The following DCAF17 variants were observed in gnomAD, a reference collection of about 807,000 sequenced individuals.
DCAF17 encodes the protein DDB1 and CUL4 associated factor 17, also known as DDB1- and CUL4-associated factor 17.
Under a neutral mutation model 66.0 loss-of-function variants are expected in DCAF17, and 48 were observed. The observed-to-expected ratio is 0.73, with a 90% CI of 0.58 to 0.92. The LOEUF is 0.92. Ranked by LOEUF, DCAF17 falls within the 40% of genes least tolerant of loss-of-function variation. DCAF17 has a pLI of 0.00. For missense variants in DCAF17, 562 were observed against 622.8 expected, an observed-to-expected ratio of 0.90 and a Z score of 1.04; for synonymous variants, 206 against 214.6, an observed-to-expected ratio of 0.96 and a Z score of 0.35.
intron 6 of DCAF17, among the ~76,000 whole-genome samples, chr2:171,457,535 CTAAT>C (rs1168672015): frequency 6.6e-6 from 1 of 152,154 alleles, no homozygotes; most frequent in African/African-American, 2.4e-5. Flanking sequence ...CTGGGCACCT[CTAAT>C]TAACTAAAAA....
At chr2:171,478,108 T>C (rs1356087901) in intron 12 of DCAF17, 38 bp downstream of exon 12, 5 of 1,523,336 alleles carry the variant, frequency 3.3e-6, no homozygotes, top group Non-Finnish European at 4.6e-6. Flanking sequence ...CAAACCAGTG[T>C]GTCCTTGCAT....
intron 5 of DCAF17, among the ~76,000 whole-genome samples, chr2:171,451,765 G>A (rs748993508): frequency 3.3e-5 from 5 of 151,994 alleles, no homozygotes; most frequent in African/African-American, 1.2e-4. Flanking sequence ...TACTAGAGAC[G>A]GGGTTTCACC....
At chr2:171,450,428 A>G (rs1425793010) in intron 5 of DCAF17, among the ~76,000 whole-genome samples, 1 of 152,036 alleles carries the variant, frequency 6.6e-6, no homozygotes, top group Non-Finnish European at 1.5e-5. Flanking sequence ...GTTGATAGGT[A>G]GATTTTTTTT....
Position 171,473,943 on chromosome 2 carries a change from T to C in DCAF17, c.1059T>C (p.Gly353=). The change falls in exon 10 of 14, where the codon GGT becomes GGC. Residue 353 remains glycine (G), a synonymous_variant. Transcript: ENST00000375255. ...TCTATTTCCATCCTGATGCTTCTGG[T>C]AGAATAATACATGTTGGTCCAAATC... ...DWIYFHPDAS[G]RIIHVGPNQV... 6.2e-7 allele frequency: 1 copy of C among 1,613,750 alleles called. No individual in the cohort carries two copies. Among genetic ancestry groups the C allele is most frequent in the East Asian group, 2.2e-5 (1 of 44,824 alleles).
intron 10 of DCAF17, among the ~76,000 whole-genome samples, chr2:171,475,226 A>G (rs911820982): frequency 7.9e-5 from 12 of 152,164 alleles, no homozygotes; most frequent in Non-Finnish European, 1.2e-4. Flanking sequence ...ACTTTTCCAC[A>G]GACCTTCCCT....
rs985991119 is a variant in DCAF17, at chr2:171,484,005, T to C, written c.*2891T>C. 4 of 453,796 alleles carry C rather than the reference T, an allele frequency of 8.8e-6. No individual in the cohort carries two copies. Among genetic ancestry groups the C allele is most frequent in the Non-Finnish European group, 1.8e-5 (4 of 226,746 alleles). The allele number at this position is 453,796 out of a possible 1,614,324, so 28.1% of individuals were successfully genotyped here. On this transcript the variant is annotated 3_prime_UTR_variant, in exon 14 of 14. Coordinates refer to ENST00000375255, the MANE Select transcript of DCAF17 (RefSeq NM_025000.4). The stretch of plus-strand genomic sequence containing the variant: ...AAAGTGCTTAATAATCGTTTTTTAC[T>C]GATGATTCAGTGTCTAAATTTTGAA...
Position 171,482,306 on chromosome 2 carries a change from G to A in DCAF17, c.*1192G>A, listed in dbSNP as rs1696776983. ...GCAGCAACAATCATTGCTGATTCAA[G>A]TTTAAGGTTAAAATATGGAATTTTT... is the stretch of plus-strand genomic sequence containing the variant. On this transcript the variant is annotated 3_prime_UTR_variant, in exon 14 of 14. Transcript: ENST00000375255. 4.4e-6 allele frequency: 2 copies of A among 453,838 alleles called. No individual in the cohort carries two copies. The highest frequency in any genetic ancestry group is 8.8e-6 in the Non-Finnish European group (2 of 226,708). 28.1% of individuals were successfully genotyped at this position (453,838 alleles called of 1,614,324 possible). A position where few individuals can be genotyped will look rare whatever the true frequency, so the allele number is the denominator to read the frequency against.
intron 6 of DCAF17, among the ~76,000 whole-genome samples, chr2:171,454,661 CT>C (rs1384845034): frequency 6.6e-6 from 1 of 151,998 alleles, no homozygotes; most frequent in Non-Finnish European, 1.5e-5. Flanking sequence ...CTTTGGGAGG[CT>C]GAGGCAGGCC....
chr2:171,472,872 GAAATT>G lies in DCAF17; in HGVS notation c.982-984_982-980del, dbSNP rs762849211. 7 of 313,834 alleles carry G rather than the reference GAAATT, an allele frequency of 2.2e-5. No homozygotes were observed. In the Middle Eastern group the frequency reaches 1.2e-3, roughly 55 times the overall value. The allele number at this position is 313,834 out of a possible 1,614,324, so 19.4% of individuals were successfully genotyped here. ...TGGCATCATTTCATTTTACATTAGA[GAAATT>G]AAATTAAATGACTTCTGTAAAGCCA... is the stretch of plus-strand genomic sequence containing the variant. On this transcript the variant is annotated intron_variant, in intron 9 of 13. Coordinates refer to ENST00000375255, the MANE Select transcript of DCAF17 (RefSeq NM_025000.4).
At chr2:171,442,313 C>G (rs1283031633) in intron 2 of DCAF17, among the ~76,000 whole-genome samples, 3 of 152,142 alleles carry the variant, frequency 2.0e-5, no homozygotes, top group African/African-American at 7.2e-5. Context: ...AATCCCAGCA[C>G]TTTGGGAGGC....
rs1696838876 is a variant in DCAF17, at chr2:171,483,762, A to G, written c.*2648A>G. On this transcript the variant is annotated 3_prime_UTR_variant, in exon 14 of 14. Coordinates refer to ENST00000375255, the MANE Select transcript of DCAF17 (RefSeq NM_025000.4). Reference sequence around the variant, plus strand: ...TTCAGAATAACCACATGAAGTATGAACTGCCATTATCTTTCCCCTTTGTAC... The same window carrying G: ...TTCAGAATAACCACATGAAGTATGAGCTGCCATTATCTTTCCCCTTTGTAC... 1.5e-5 allele frequency: 7 copies of G among 453,988 alleles called. No individual in the cohort carries two copies. Among genetic ancestry groups the G allele is most frequent in the Admixed American group, 1.2e-4 (5 of 42,544 alleles). The allele number at this position is 453,988 out of a possible 1,614,324, so 28.1% of individuals were successfully genotyped here.
intron 2 of DCAF17, among the ~76,000 whole-genome samples, chr2:171,438,660 A>T (rs930848220): frequency 1.1e-4 from 17 of 152,166 alleles, no homozygotes; most frequent in African/African-American, 3.9e-4. Flanking sequence ...AAATTAGTAT[A>T]GCTACTCCAG....
At chr2:171,458,129 G>C in intron 7 of DCAF17, 54 bp downstream of exon 7, 1 of 1,500,854 alleles carries the variant, frequency 6.7e-7, no homozygotes, top group South Asian at 1.1e-5. Context: ...TTCGACTAAA[G>C]TATGATTTTT....
intron 1 of DCAF17, 155 bp from the exon 2 acceptor site, chr2:171,434,928 G>T: frequency 9.8e-7 from 1 of 1,023,522 alleles, no homozygotes; most frequent in Non-Finnish European, 1.4e-6. Flanking sequence ...TCTAAAAGTT[G>T]GTCACCTCAT....
Position 171,483,995 on chromosome 2 carries a change from C to T in DCAF17, c.*2881C>T, listed in dbSNP as rs189368440. 23 of 453,648 alleles carry T rather than the reference C, an allele frequency of 5.1e-5. No individual in the cohort carries two copies. Among genetic ancestry groups the T allele is most frequent in the African/African-American group, 4.0e-4 (20 of 50,044 alleles). 28.1% of individuals were successfully genotyped at this position (453,648 alleles called of 1,614,324 possible). ...GATATGTAGGAAAGTGCTTAATAAT[C>T]GTTTTTTACTGATGATTCAGTGTCT... On this transcript the variant is annotated 3_prime_UTR_variant, in exon 14 of 14. Coordinates refer to ENST00000375255, the MANE Select transcript of DCAF17 (RefSeq NM_025000.4).
At position 171,434,679 on chromosome 2, in the gene DCAF17, C is replaced by T. The variant is rs369447743; in HGVS notation, c.102C>T (p.Gly34=). The T allele has an allele frequency of 2.2e-4, 331 of 1,506,738 alleles. 4 individuals carry two copies. The South Asian group carries it at 3.8e-3, about 18-fold the overall frequency. The allele number at this position is 1,506,738 out of a possible 1,614,324, so 93.3% of individuals were successfully genotyped here. A position where few individuals can be genotyped will look rare whatever the true frequency, so the allele number is the denominator to read the frequency against. The change falls in exon 1 of 14, where the codon GGC becomes GGT. Residue 34 remains glycine, a synonymous_variant. Transcript: ENST00000375255. Reference sequence around the variant, plus strand: ...GCGTGGTGCAGAGGACCAACCTGGGCATCCTGCGGGCGCTGGTGTGCCAGG... The same window carrying T: ...GCGTGGTGCAGAGGACCAACCTGGGTATCCTGCGGGCGCTGGTGTGCCAGG... ...DAGVVQRTNL[G]ILRALVCQES... is the part of the protein sequence containing the mutation.
At chr2:171,435,054 C>T (rs1693765125) in intron 1 of DCAF17, 29 bp from the exon 2 acceptor site, 7 of 1,510,776 alleles carry the variant, frequency 4.6e-6, no homozygotes, top group Non-Finnish European at 6.4e-6. Flanking sequence ...AGAGTTCTTT[C>T]CTGAACGGAA....
At chr2:171,454,937 C>A (rs566531136) in intron 6 of DCAF17, among the ~76,000 whole-genome samples, 21 of 148,948 alleles carry the variant, frequency 1.4e-4, no homozygotes, top group Non-Finnish European at 2.2e-4. Context: ...TTTACTTTTT[C>A]TTTCTTTTTT....
chr2:171,442,790 C>A (rs1694380331), intron 2 of DCAF17, among the ~76,000 whole-genome samples: 1 of 151,424 alleles, frequency 6.6e-6, no homozygotes, highest in Non-Finnish European at 1.5e-5. Flanking sequence ...TGAGGCAGGA[C>A]AATTACATGA....
Sources: gnomAD v4.1 joint callset for allele counts (sites outside exome capture counted in the v4.1 genomes callset) on GRCh38, gnomAD v4.1.1 for gene constraint, MANE v1.5 for transcripts, NCBI Gene and HGNC (gene_info 2026-07-23, HGNC 2026-07-21) for gene names.